Variants in SDCCAG8 observed in about 807,000 individuals in gnomAD.
SDCCAG8 encodes SHH signaling and ciliogenesis regulator SDCCAG8, also known as serologically defined colon cancer antigen 8.
SDCCAG8 carries 74 observed loss-of-function variants against 101.8 expected under a neutral mutation model. The ratio of observed to expected loss-of-function variants is 0.73; its 90% confidence interval spans 0.60 to 0.88. The LOEUF (loss-of-function observed/expected upper bound fraction) is 0.88. SDCCAG8 is among the 40% of genes least tolerant of loss of function. SDCCAG8 has a pLI of 0.00. For missense variants in SDCCAG8, 787 were observed against 822.6 expected (o/e 0.96, Z 0.53); for synonymous variants, 281 against 292.9 (o/e 0.96, Z 0.41).
intron 16 of SDCCAG8, among the ~76,000 whole-genome samples, chr1:243,430,114 G>A (rs1419089033): frequency 1.3e-5 from 2 of 152,108 alleles, no homozygotes; most frequent in Non-Finnish European, 2.9e-5. Context: ...GATTACAGGT[G>A]TGTGAGCCAC....
intron 16 of SDCCAG8, among the ~76,000 whole-genome samples, chr1:243,450,257 A>G (rs1461419156): frequency 1.3e-5 from 2 of 152,210 alleles, no homozygotes; most frequent in African/African-American, 2.4e-5. Flanking sequence ...AGGAACTGAC[A>G]TTGTTTTCAT....
intron 13 of SDCCAG8, among the ~76,000 whole-genome samples, chr1:243,384,243 T>C (rs934038839): frequency 6.6e-6 from 1 of 152,206 alleles, no homozygotes; most frequent in Non-Finnish European, 1.5e-5. Context: ...GGCTCATCAC[T>C]TTGCAGAGTT....
intron 12 of SDCCAG8, among the ~76,000 whole-genome samples, chr1:243,365,649 A>G (rs1420354388): frequency 6.6e-6 from 1 of 152,176 alleles, no homozygotes; most frequent in Non-Finnish European, 1.5e-5. Flanking sequence ...TTAAGAATAA[A>G]TGGGCCAATT....
chr1:243,430,006 A>C (rs575122772), intron 16 of SDCCAG8, among the ~76,000 whole-genome samples: 2 of 151,862 alleles, frequency 1.3e-5, no homozygotes, highest in East Asian at 3.9e-4. Context: ...CTAATTTTTA[A>C]AACTTTTTGT....
rs943285860 is a variant in SDCCAG8 at position 243,304,123 on chromosome 1, C to CCTAA, written c.676-588_676-585dup. 3.3e-5 allele frequency among the ~76,000 whole-genome samples: 5 copies of CCTAA among 152,072 alleles called. 1 individual carries two copies. Among genetic ancestry groups the CCTAA allele is most frequent in the African/African-American group, 9.6e-5 (4 of 41,506 alleles). On this transcript the variant is annotated intron_variant, in intron 6 of 17. Coordinates refer to ENST00000366541, the MANE Select transcript of SDCCAG8 (RefSeq NM_006642.5). ...TTCCAACTGTACAGGGGTCAATGAC[C>CCTAA]CTAACCTCCATGTTATTTAAGGGTC...
chr1:243,464,031 C>T (rs1331581001), intron 16 of SDCCAG8, among the ~76,000 whole-genome samples: 1 of 151,956 alleles, frequency 6.6e-6, no homozygotes, highest in Non-Finnish European at 1.5e-5. Context: ...GTGCTCATGT[C>T]CTCTTGACCC....
rs1175537628 is a variant in SDCCAG8, at chr1:243,293,336, C to A, written c.675+117C>A. 1.0e-5 allele frequency: 11 copies of A among 1,068,590 alleles called. No individual in the cohort carries two copies. In the South Asian group the frequency reaches 1.4e-4, roughly 13 times the overall value. The allele number at this position is 1,068,590 out of a possible 1,614,324, so 66.2% of individuals were successfully genotyped here. On this transcript the variant is annotated intron_variant, in intron 6 of 17. Coordinates refer to ENST00000366541, the MANE Select transcript of SDCCAG8 (RefSeq NM_006642.5). ...ATTTACCATTATAACCATTTTTAAG[C>A]GTACAGTTTATCTGCATTAAGTACA... is the stretch of plus-strand genomic sequence containing the variant.
At chr1:243,483,238 G>T (rs762548239) in intron 16 of SDCCAG8, among the ~76,000 whole-genome samples, 1 of 152,034 alleles carries the variant, frequency 6.6e-6, no homozygotes, top group Non-Finnish European at 1.5e-5. Context: ...TCCTCGGAGC[G>T]CGCCCCCTGG....
intron 13 of SDCCAG8, among the ~76,000 whole-genome samples, chr1:243,411,019 A>G (rs1421676640): frequency 1.3e-5 from 2 of 152,242 alleles, no homozygotes; most frequent in African/African-American, 4.8e-5. Flanking sequence ...TGGCCTACAT[A>G]CGCCTGGATT....
At chr1:243,403,081 A>G (rs1255045857) in intron 13 of SDCCAG8, among the ~76,000 whole-genome samples, 1 of 152,250 alleles carries the variant, frequency 6.6e-6, no homozygotes, top group Non-Finnish European at 1.5e-5. Context: ...GATTTAGACA[A>G]TTAGGAACCT....
chr1:243,457,397 C>G (rs952881289), intron 16 of SDCCAG8, among the ~76,000 whole-genome samples: 5 of 152,000 alleles, frequency 3.3e-5, no homozygotes, highest in Admixed American at 6.6e-5. Context: ...CATTCAGAAC[C>G]GAATATTTTA....
intron 10 of SDCCAG8, among the ~76,000 whole-genome samples, chr1:243,340,796 T>C (rs1022688283): frequency 3.3e-5 from 5 of 152,246 alleles, no homozygotes; most frequent in African/African-American, 1.2e-4. Flanking sequence ...CTTGACTTTA[T>C]CATCTTGTTA....
intron 17 of SDCCAG8, among the ~76,000 whole-genome samples, chr1:243,493,898 G>A (rs1189583070): frequency 6.6e-6 from 1 of 151,902 alleles, no homozygotes; most frequent in East Asian, 1.9e-4. Context: ...GAGAAGGGAG[G>A]TTCTAGAAAA....
chr1:243,345,945 TG>T (rs771210743), intron 12 of SDCCAG8, among the ~76,000 whole-genome samples: 2 of 152,242 alleles, frequency 1.3e-5, no homozygotes, highest in Non-Finnish European at 2.9e-5. Context: ...TTTAGTGGTA[TG>T]TTTTTAGATA....
chr1:243,478,019 A>G (rs1393606189), intron 16 of SDCCAG8, among the ~76,000 whole-genome samples: 2 of 152,222 alleles, frequency 1.3e-5, no homozygotes. Context: ...GAAATTTTAA[A>G]AGAATTAAAA....
chr1:243,298,649 C>T (rs1472967456), intron 6 of SDCCAG8, among the ~76,000 whole-genome samples: 1 of 152,086 alleles, frequency 6.6e-6, no homozygotes, highest in African/African-American at 2.4e-5. Flanking sequence ...AGATCTACAA[C>T]CTACCTGGAA....
At chr1:243,462,035 A>T (rs1169797384) in intron 16 of SDCCAG8, among the ~76,000 whole-genome samples, 1 of 152,180 alleles carries the variant, frequency 6.6e-6, no homozygotes, top group African/African-American at 2.4e-5. Flanking sequence ...TTGGAATGAG[A>T]TCTTATCCCA....
At chr1:243,452,507 C>T (rs1440766645) in intron 16 of SDCCAG8, among the ~76,000 whole-genome samples, 6 of 146,974 alleles carry the variant, frequency 4.1e-5, no homozygotes, top group Admixed American at 7.0e-5. Context: ...ACTGCAGCCT[C>T]GAACTCCTGG....
At chr1:243,489,449 A>G (rs542346426) in intron 17 of SDCCAG8, among the ~76,000 whole-genome samples, 1 of 152,244 alleles carries the variant, frequency 6.6e-6, no homozygotes, top group East Asian at 1.9e-4. Context: ...AAGCGGGAGG[A>G]CGGCCGTGGG....
Sources: allele counts gnomAD v4.1 joint callset (sites outside exome capture counted in the v4.1 genomes callset), GRCh38; gene constraint gnomAD v4.1.1; transcripts MANE v1.5; gene names NCBI Gene and HGNC (gene_info 2026-07-23, HGNC 2026-07-21).